XPOT: variants seen among roughly 807,000 people sequenced by gnomAD.
XPOT encodes the protein exportin-T.
A neutral mutation model predicts 128.2 loss-of-function variants in XPOT; 34 were observed. The ratio of observed to expected loss-of-function variants is 0.27; its 90% CI spans 0.20 to 0.35. XPOT has a LOEUF of 0.35. Ranked by LOEUF, XPOT falls within the 10% of genes least tolerant of loss-of-function variation. The pLI is 1.00. For missense variants in XPOT, 838 were observed against 1,125.3 expected (o/e 0.74, Z 3.65); for synonymous variants, 348 against 394.3 (o/e 0.88, Z 1.39).
chr12:64,419,956 T>C lies in XPOT; in HGVS notation c.490-114T>C, dbSNP rs1592328859. ...GATCTTAGAGCTGGTAAATAGGAAA[T>C]ACTGGTAGGGAATGTGTTAACAAGT... On this transcript the variant is annotated intron_variant, in intron 6 of 24. Coordinates refer to ENST00000332707, the MANE Select transcript of XPOT (RefSeq NM_007235.6). 5 of 860,204 alleles carry C rather than the reference T, an allele frequency of 5.8e-6. No homozygotes were observed. In the East Asian group the frequency reaches 1.1e-4, roughly 20 times the overall value. 53.3% of individuals were successfully genotyped at this position (860,204 alleles called of 1,614,324 possible).
At chr12:64,434,461 C>T in intron 19 of XPOT, 46 bp from the exon 20 acceptor site, 4 of 1,356,392 alleles carry the variant, frequency 2.9e-6, no homozygotes, top group Non-Finnish European at 4.2e-6. Flanking sequence ...GGTTGCTTTC[C>T]TAGTTAATTT....
At chr12:64,414,398 T>C (rs757348403) in intron 2 of XPOT, among the ~76,000 whole-genome samples, 8 of 152,334 alleles carry the variant, frequency 5.3e-5, no homozygotes, top group Middle Eastern at 3.4e-3. Flanking sequence ...TTACATGATA[T>C]AATTAAAGAC....
In XPOT at chr12:64,434,788, T is replaced by C. The variant is rs1260358549; in HGVS notation, c.2570-6T>C. The stretch of plus-strand genomic sequence containing the variant: ...TATAAGATGAAAATTTGAATTCTCT[T>C]GACAGGAGGTAAAGATGGACCAGTG... On this transcript the variant is annotated splice_region_variant and splice_polypyrimidine_tract_variant and intron_variant, in intron 20 of 24. Transcript: ENST00000332707. The C allele has an allele frequency of 6.2e-7, 1 of 1,610,826 alleles. No homozygotes were observed. The highest frequency in any genetic ancestry group is 2.2e-5 in the East Asian group (1 of 44,862).
chr12:64,425,490 G>C, intron 14 of XPOT, 33 bp downstream of exon 14: 3 of 1,608,398 alleles, frequency 1.9e-6, no homozygotes, highest in Non-Finnish European at 2.5e-6. Flanking sequence ...ACTTTCCATG[G>C]GTTTCAGCTA....
intron 3 of XPOT, 57 bp from the exon 4 acceptor site, chr12:64,416,641 G>C: frequency 1.4e-6 from 2 of 1,455,398 alleles, no homozygotes; most frequent in Non-Finnish European, 9.6e-7. Context: ...TTTTGCCTTT[G>C]ATTTGTTTTC....
At chr12:64,425,707 C>A in intron 14 of XPOT, 108 bp from the exon 15 acceptor site, 1 of 1,137,390 alleles carries the variant, frequency 8.8e-7, no homozygotes, top group Non-Finnish European at 1.3e-6. Context: ...TAGTCCCTGC[C>A]TTTTAGGAGC....
At chr12:64,443,533 C>T (rs1230426089) in intron 23 of XPOT, among the ~76,000 whole-genome samples, 1 of 152,170 alleles carries the variant, frequency 6.6e-6, no homozygotes, top group Admixed American at 6.5e-5. Context: ...TGGCTCACCG[C>T]AACCTCTGCC....
Position 64,420,340 on chromosome 12 carries a change from G to T in XPOT, c.675-13G>T. On this transcript the variant is annotated splice_polypyrimidine_tract_variant and intron_variant, in intron 7 of 24. Transcript: ENST00000332707. ...ACTTTGAAAATGTTACAATTTTATT[G>T]TCCCATTACCAGGTTTATAAATATG... 6.2e-7 allele frequency: 1 copy of T among 1,605,306 alleles called. No individual in the cohort carries two copies. The highest frequency in any genetic ancestry group is 1.3e-5 in the African/African-American group (1 of 74,368).
intron 22 of XPOT, among the ~76,000 whole-genome samples, chr12:64,436,566 TA>T (rs1364659256): frequency 6.6e-6 from 1 of 152,124 alleles, no homozygotes; most frequent in African/African-American, 2.4e-5. Context: ...CGGCCTTGGT[TA>T]TTTTTTTAAT....
At position 64,434,949 on chromosome 12, in the gene XPOT, T is replaced by C. The variant is rs1289212740; in HGVS notation, c.2685+40T>C. 1.3e-6 allele frequency: 2 copies of C among 1,512,612 alleles called. 1 individual carries two copies. The highest frequency in any genetic ancestry group is 1.8e-6 in the Non-Finnish European group (2 of 1,101,190). 93.7% of individuals were successfully genotyped at this position (1,512,612 alleles called of 1,614,324 possible). The stretch of plus-strand genomic sequence containing the variant: ...ATCTTTGTTTACCTTGTGTAGCTCA[T>C]ATATTCCCAATTTCTTCTTTAATGC... On this transcript the variant is annotated intron_variant, in intron 21 of 24. Coordinates refer to ENST00000332707, the MANE Select transcript of XPOT (RefSeq NM_007235.6).
intron 14 of XPOT, 142 bp downstream of exon 14, chr12:64,425,599 T>G: frequency 5.2e-6 from 6 of 1,147,094 alleles, no homozygotes; most frequent in Non-Finnish European, 7.4e-6. Context: ...TAACCCCTCC[T>G]CCATTTCTTT....
chr12:64,421,865 T>C (rs1190177492), intron 9 of XPOT, among the ~76,000 whole-genome samples: 19 of 152,120 alleles, frequency 1.2e-4, no homozygotes, highest in Non-Finnish European at 7.3e-5. Context: ...CAGGCTGGAG[T>C]GCAATGGCGT....
intron 19 of XPOT, 137 bp downstream of exon 19, chr12:64,433,740 C>T (rs562046702): frequency 1.2e-4 from 94 of 764,446 alleles, no homozygotes; most frequent in Non-Finnish European, 1.7e-4. Context: ...TTATTGTTTT[C>T]AGGGTGGGAA....
chr12:64,412,049 A>T (rs553882522), intron 2 of XPOT, among the ~76,000 whole-genome samples: 1 of 107,556 alleles, frequency 9.3e-6, no homozygotes, highest in African/African-American at 3.7e-5. Context: ...TTTGAGACAG[A>T]GTCTCACTCT....
intron 23 of XPOT, among the ~76,000 whole-genome samples, chr12:64,441,610 G>A (rs896471550): frequency 2.6e-5 from 4 of 151,908 alleles, no homozygotes; most frequent in African/African-American, 7.3e-5. Flanking sequence ...ACTCTTATAC[G>A]GATTGCCTTG....
chr12:64,425,640 C>T lies in XPOT; in HGVS notation c.1573-175C>T, dbSNP rs935551156. 1.0e-5 allele frequency: 10 copies of T among 974,642 alleles called. No individual in the cohort carries two copies. The Admixed American group carries it at 2.4e-4, about 24-fold the overall frequency. 60.4% of individuals were successfully genotyped at this position (974,642 alleles called of 1,614,324 possible). A position where few individuals can be genotyped will look rare whatever the true frequency, so the allele number is the denominator to read the frequency against. On this transcript the variant is annotated intron_variant, in intron 14 of 24. Transcript: ENST00000332707. The stretch of plus-strand genomic sequence containing the variant: ...GGATAGTTTGTGCCCAATTAGTCAA[C>T]TAAAACAAGTTCTCAAGGGACTGTT...
rs762867855 is a variant in XPOT, at chr12:64,433,463, C to G, written c.2312C>G (p.Ala771Gly). ...LQQMFMPLLHAIFEVLLRPAE... is the reference protein window; with the variant it reads ...LQQMFMPLLHGIFEVLLRPAE... Reference sequence around the variant, plus strand: ...CAGATGTTCATGCCCCTGCTTCATGCAATTTTTGAAGTGCTGCTCCGGCCA... The same window carrying G: ...CAGATGTTCATGCCCCTGCTTCATGGAATTTTTGAAGTGCTGCTCCGGCCA... The change falls in exon 19 of 25, where the codon GCA becomes GGA. Residue 771 changes from alanine (A) to glycine (G), a missense_variant. By Grantham distance (60) the Ala-to-Gly change is moderately conservative (BLOSUM62 0). Coordinates refer to ENST00000332707, the MANE Select transcript of XPOT (RefSeq NM_007235.6). The G allele has an allele frequency of 3.4e-5, 55 of 1,601,486 alleles. No individual in the cohort carries two copies. The highest frequency in any genetic ancestry group is 4.6e-5 in the Non-Finnish European group (54 of 1,171,942).
In XPOT at chr12:64,430,068, T is replaced by A; in HGVS notation, c.1757T>A (p.Leu586Ter). The A allele has an allele frequency of 6.2e-7, 1 of 1,605,758 alleles. No homozygotes were observed. The highest frequency in any genetic ancestry group is 8.5e-7 in the Non-Finnish European group (1 of 1,177,136). Reference protein sequence around the residue: ...LSPPENGHQSLLSSDDQLFIY... With the variant: ...LSPPENGHQS ...TTCTAGGAGAATGGCCACCAGTCCT[T>A]ACTGAGCAGCGATGATCAACTTTTT... The change falls in exon 17 of 25, where the codon TTA (leucine) becomes TAA (stop). Residue 586 changes from leucine to a stop codon, truncating the protein, a stop_gained. Transcript: ENST00000332707. LOFTEE classifies it high-confidence loss of function.
rs148201345 is a variant in XPOT at position 64,420,471 on chromosome 12, G to A, written c.793G>A (p.Glu265Lys). The change falls in exon 8 of 25, where the codon GAA becomes AAA. Residue 265 changes from glutamate (E) to lysine (K), a missense_variant. Coordinates refer to ENST00000332707, the MANE Select transcript of XPOT (RefSeq NM_007235.6). ...MDPVDKMKLV[E>K]SLCQVLQSAG... ...CCCTGTTGATAAAATGAAACTAGTG[G>A]AATCTTTGTGTCAAGTATTACAGTC... 2.9e-3 allele frequency: 4,713 copies of A among 1,613,738 alleles called. 13 individuals are homozygous for A. The highest frequency in any genetic ancestry group is 3.5e-3 in the Non-Finnish European group (4,175 of 1,179,846).
Sources: gnomAD v4.1 joint callset for allele counts (sites outside exome capture counted in the v4.1 genomes callset) on GRCh38, gnomAD v4.1.1 for gene constraint, MANE v1.5 for transcripts, NCBI Gene and HGNC (gene_info 2026-07-23, HGNC 2026-07-21) for gene names.